DLG2: variants seen among roughly 807,000 people sequenced by gnomAD.
The protein encoded by DLG2 is discs large MAGUK scaffold protein 2.
In DLG2, 45 loss-of-function variants were observed where a neutral mutation model predicts 132.5. The observed-to-expected ratio is 0.34, with a 90% CI of 0.27 to 0.44. DLG2 has a LOEUF of 0.44. Among genes scored for constraint, DLG2 ranks in the 20% least tolerant of loss-of-function variants. The probability of loss-of-function intolerance (pLI) is 1.00; values close to 1 mark genes in which losing one functional copy is unlikely to be tolerated. For missense variants in DLG2, 1,045 were observed against 1,196.9 expected, an observed-to-expected ratio of 0.87 and a Z score of 1.87; for synonymous variants, 424 against 419.6, an observed-to-expected ratio of 1.01 and a Z score of -0.13.
intron 14 of DLG2, among the ~76,000 whole-genome samples, chr11:83,932,525 C>T (rs569258392): frequency 1.9e-4 from 29 of 152,244 alleles, no homozygotes; most frequent in African/African-American, 3.4e-4. Context: ...TGAGCCACCG[C>T]GCCCGGCATA....
At chr11:84,970,627 C>G (rs932138987) in intron 6 of DLG2, among the ~76,000 whole-genome samples, 9 of 152,110 alleles carry the variant, frequency 5.9e-5, no homozygotes, top group Admixed American at 6.6e-5. Flanking sequence ...CCTCCATTTC[C>G]TAATAGCAAC....
At chr11:84,734,016 T>A (rs1287276064) in intron 6 of DLG2, among the ~76,000 whole-genome samples, 1 of 152,178 alleles carries the variant, frequency 6.6e-6, no homozygotes, top group Non-Finnish European at 1.5e-5. Flanking sequence ...TTGGTACCAG[T>A]ACCATGCTGT....
At chr11:83,702,142 C>T (rs1003595138) in intron 18 of DLG2, among the ~76,000 whole-genome samples, 2 of 152,158 alleles carry the variant, frequency 1.3e-5, no homozygotes, top group African/African-American at 4.8e-5. Context: ...TCAGCAAATT[C>T]CCCTTAACTT....
intron 6 of DLG2, among the ~76,000 whole-genome samples, chr11:84,842,763 G>A (rs2080867219): frequency 6.6e-6 from 1 of 151,746 alleles, no homozygotes; most frequent in South Asian, 2.1e-4. Flanking sequence ...ATCATTAAAG[G>A]AGAGGGTATA....
chr11:84,587,612 C>A (rs528967358), intron 6 of DLG2, among the ~76,000 whole-genome samples: 7 of 152,180 alleles, frequency 4.6e-5, no homozygotes, highest in African/African-American at 1.7e-4. Context: ...GCGGTTCTGG[C>A]ATTTAAAAGT....
intron 17 of DLG2, among the ~76,000 whole-genome samples, chr11:83,809,437 T>C (rs1015435776): frequency 4.6e-5 from 7 of 152,172 alleles, no homozygotes; most frequent in African/African-American, 1.7e-4. Context: ...AGAAACTCCT[T>C]AGGATTTATA....
intron 6 of DLG2, among the ~76,000 whole-genome samples, chr11:84,654,437 A>G (rs528573899): frequency 6.6e-6 from 1 of 152,302 alleles, no homozygotes; most frequent in African/African-American, 2.4e-5. Flanking sequence ...TTCACCTGCT[A>G]ACTATGCCAG....
At chr11:83,626,694 G>A (rs1188617182) in intron 19 of DLG2, among the ~76,000 whole-genome samples, 1 of 152,140 alleles carries the variant, frequency 6.6e-6, no homozygotes, top group Admixed American at 6.5e-5. Context: ...AATGCCGAGG[G>A]GAAATAGAAG....
At chr11:83,753,893 C>G (rs12287101) in intron 18 of DLG2, among the ~76,000 whole-genome samples, 1,442 of 52,718 alleles carry the variant, frequency 0.027, 153 homozygotes, top group African/African-American at 0.1. Context: ...TCATATATAT[C>G]ATATATATAT....
chr11:85,443,865 A>G (rs2091894073), intron 3 of DLG2, among the ~76,000 whole-genome samples: 2 of 152,170 alleles, frequency 1.3e-5, no homozygotes, highest in South Asian at 2.1e-4. Flanking sequence ...GTGTGTGTGA[A>G]TCATTACAAG....
At chr11:83,775,506 T>A (rs189766574) in intron 18 of DLG2, among the ~76,000 whole-genome samples, 1 of 152,188 alleles carries the variant, frequency 6.6e-6, no homozygotes, top group African/African-American at 2.4e-5. Context: ...TTGCAAAGTT[T>A]AAATGAGTTA....
chr11:84,034,086 T>C (rs2095794357), intron 11 of DLG2, among the ~76,000 whole-genome samples: 1 of 151,222 alleles, frequency 6.6e-6, no homozygotes, highest in Admixed American at 6.6e-5. Context: ...GGTCTCAAAA[T>C]AAATAAATAA....
chr11:84,975,374 T>C (rs912683028), intron 6 of DLG2, among the ~76,000 whole-genome samples: 3 of 152,148 alleles, frequency 2.0e-5, no homozygotes, highest in Non-Finnish European at 4.4e-5. Flanking sequence ...TCTTTGAAAG[T>C]TCCTTCAAAA....
intron 6 of DLG2, among the ~76,000 whole-genome samples, chr11:84,832,432 G>C (rs567734213): frequency 6.6e-6 from 1 of 151,692 alleles, no homozygotes; most frequent in South Asian, 2.1e-4. Context: ...CTTAGGAGTG[G>C]CCTTTCTTGA....
intron 7 of DLG2, among the ~76,000 whole-genome samples, chr11:84,258,816 C>T (rs948263229): frequency 1.3e-5 from 2 of 152,148 alleles, no homozygotes; most frequent in African/African-American, 2.4e-5. Flanking sequence ...GTTAGTTTCT[C>T]TTTTACAGTC....
At chr11:84,546,608 T>C (rs1443159280) in intron 6 of DLG2, 3 of 501,876 alleles carry the variant, frequency 6.0e-6, no homozygotes, top group East Asian at 1.0e-4. Flanking sequence ...GACTCTCTCA[T>C]ACCTCATGTA....
In DLG2 at chr11:84,395,463, C is replaced by T. The variant is rs992913166; in HGVS notation, c.519+139107G>A. ...ACAGGGTCTCATTCTGTCACCCAGGCTGGAGTGCAGTGTTGTGATCTCGGC... is the reference window on the plus strand; with the variant it reads ...ACAGGGTCTCATTCTGTCACCCAGGTTGGAGTGCAGTGTTGTGATCTCGGC... On this transcript the variant is annotated intron_variant, in intron 7 of 27. Coordinates refer to ENST00000376104, the MANE Select transcript of DLG2 (RefSeq NM_001142699.3). Among the ~76,000 whole-genome samples, 7 of 152,252 alleles carry T rather than the reference C, an allele frequency of 4.6e-5. No individual in the cohort carries two copies. In the East Asian group the frequency reaches 1.4e-3, roughly 29 times the overall value.
intron 18 of DLG2, among the ~76,000 whole-genome samples, chr11:83,725,770 A>G (rs185450177): frequency 6.6e-6 from 1 of 152,348 alleles, no homozygotes. Context: ...TGTGTGCTAT[A>G]TATGCATTTG....
chr11:84,318,659 C>G (rs763291566), intron 7 of DLG2, among the ~76,000 whole-genome samples: 4 of 152,202 alleles, frequency 2.6e-5, no homozygotes, highest in Non-Finnish European at 4.4e-5. Context: ...GTAGGATCTT[C>G]TTTGTCCATG....
Sources: allele counts gnomAD v4.1 joint callset (sites outside exome capture counted in the v4.1 genomes callset), GRCh38; gene constraint gnomAD v4.1.1; transcripts MANE v1.5; gene names NCBI Gene and HGNC (gene_info 2026-07-23, HGNC 2026-07-21).